HTR1F: variants seen among roughly 807,000 people sequenced by gnomAD.
HTR1F encodes 5-hydroxytryptamine (serotonin) receptor 1F, G protein-coupled.
In HTR1F, 17 loss-of-function variants were observed where a neutral mutation model predicts 24.0. The observed-to-expected ratio is 0.71, with a 90% CI of 0.48 to 1.06. The LOEUF (loss-of-function observed/expected upper bound fraction) is 1.06. Ranked by LOEUF, HTR1F falls within the 50% of genes least tolerant of loss-of-function variation. HTR1F has a pLI of 0.00. For missense variants in HTR1F, 391 were observed against 427.8 expected, an observed-to-expected ratio of 0.91 and a Z score of 0.76; for synonymous variants, 186 against 156.8, an observed-to-expected ratio of 1.19 and a Z score of -1.39.
intron 2 of HTR1F, among the ~76,000 whole-genome samples, chr3:87,890,843 C>CTTT (rs5850816): frequency 7.2e-6 from 1 of 139,152 alleles, no homozygotes; most frequent in Non-Finnish European, 1.6e-5. Flanking sequence ...TCAATTATTT[C>CTTT]TTTTTTTTTT....
At chr3:87,913,552 C>T (rs1016031846) in intron 2 of HTR1F, among the ~76,000 whole-genome samples, 5 of 152,220 alleles carry the variant, frequency 3.3e-5, no homozygotes, top group Admixed American at 1.3e-4. Context: ...AATAGAAATA[C>T]CATTTGACCC....
chr3:87,986,236 T>C (rs562228749), intron 2 of HTR1F, among the ~76,000 whole-genome samples: 1 of 152,132 alleles, frequency 6.6e-6, no homozygotes, highest in Admixed American at 6.5e-5. Context: ...TTAATAAAGG[T>C]AGATGGTTTA....
At chr3:87,796,476 G>A (rs1045009147) in intron 1 of HTR1F, among the ~76,000 whole-genome samples, 1 of 152,030 alleles carries the variant, frequency 6.6e-6, no homozygotes, top group African/African-American at 2.4e-5. Context: ...TTAGAAGAAC[G>A]GGATTTTATG....
intron 2 of HTR1F, among the ~76,000 whole-genome samples, chr3:87,846,714 G>A (rs1704953901): frequency 6.6e-6 from 1 of 151,858 alleles, no homozygotes; most frequent in Admixed American, 6.6e-5. Flanking sequence ...ATAATAAGTT[G>A]CTTCTGTTGA....
chr3:87,913,569 C>A (rs533757917), intron 2 of HTR1F, among the ~76,000 whole-genome samples: 1 of 152,254 alleles, frequency 6.6e-6, no homozygotes, highest in South Asian at 2.1e-4. Flanking sequence ...ACCCAGCAAT[C>A]CCATTACTGG....
Position 87,980,079 on chromosome 3 carries a change from T to C in HTR1F, c.-42-10629T>C, listed in dbSNP as rs1705508942. 5.9e-5 allele frequency among the ~76,000 whole-genome samples: 9 copies of C among 152,360 alleles called. No homozygotes were observed. In the South Asian group the frequency reaches 1.9e-3, roughly 32 times the overall value. ...CAAGCAGCAGGGTGTGTTTCAGCCC[T>C]GTTTGTGTTACAGCTCTTTCAGTTC... On this transcript the variant is annotated intron_variant, in intron 2 of 2. Transcript: ENST00000319595.
chr3:87,971,333 C>T (rs770207293), intron 2 of HTR1F, among the ~76,000 whole-genome samples: 1 of 151,882 alleles, frequency 6.6e-6, no homozygotes, highest in Non-Finnish European at 1.5e-5. Flanking sequence ...TTTGAGAGGC[C>T]GAGGCAGGAG....
At chr3:87,830,761 C>T (rs1704557783) in intron 2 of HTR1F, among the ~76,000 whole-genome samples, 1 of 151,968 alleles carries the variant, frequency 6.6e-6, no homozygotes, top group Non-Finnish European at 1.5e-5. Context: ...CTGTGAACAC[C>T]AACATTGTTT....
chr3:87,794,365 A>G (rs974707032), intron 1 of HTR1F, among the ~76,000 whole-genome samples: 2 of 152,170 alleles, frequency 1.3e-5, no homozygotes, highest in African/African-American at 4.8e-5. Context: ...TCTTTGTTTC[A>G]AAGTGAGTCT....
chr3:87,846,173 C>T (rs1156508031), intron 2 of HTR1F, among the ~76,000 whole-genome samples: 1 of 151,994 alleles, frequency 6.6e-6, no homozygotes, highest in East Asian at 1.9e-4. Flanking sequence ...TGGCTCACGC[C>T]TGTAATCCCA....
intron 2 of HTR1F, among the ~76,000 whole-genome samples, chr3:87,930,225 T>C (rs1704228491): frequency 1.3e-5 from 2 of 152,212 alleles, no homozygotes; most frequent in South Asian, 2.1e-4. Flanking sequence ...TAGTGTCATC[T>C]GCAAACAGTG....
At chr3:87,832,799 A>G (rs1334415842) in intron 2 of HTR1F, among the ~76,000 whole-genome samples, 1 of 152,256 alleles carries the variant, frequency 6.6e-6, no homozygotes, top group African/African-American at 2.4e-5. Flanking sequence ...TACTAACAAA[A>G]TAATGTTTGA....
At chr3:87,937,324 A>C (rs58036813) in intron 2 of HTR1F, among the ~76,000 whole-genome samples, 4,968 of 152,284 alleles carry the variant, frequency 0.033, 249 homozygotes, top group African/African-American at 0.11. Flanking sequence ...ATATACACAA[A>C]TCAATAAATA....
Position 87,832,320 on chromosome 3 carries a change from T to C in HTR1F, c.-43+10196T>C, listed in dbSNP as rs1247671255. Among the ~76,000 whole-genome samples the C allele has an allele frequency of 8.7e-5, 13 of 149,696 alleles. 1 individual carries two copies. Among genetic ancestry groups the C allele is most frequent in the African/African-American group, 2.7e-4 (11 of 40,948 alleles). ...ACACACATAAGAATATCCCTTCTTT[T>C]TTTTTTTTTTTTTTTCTTTTTTTTT... is the stretch of plus-strand genomic sequence containing the variant. On this transcript the variant is annotated intron_variant, in intron 2 of 2. Transcript: ENST00000319595.
intron 1 of HTR1F, among the ~76,000 whole-genome samples, chr3:87,799,852 T>A (rs996512688): frequency 2.6e-5 from 4 of 152,170 alleles, no homozygotes; most frequent in Admixed American, 1.3e-4. Flanking sequence ...ATGACCTCCA[T>A]GCTCAGTTAA....
At chr3:87,863,789 G>C (rs1167383086) in intron 2 of HTR1F, among the ~76,000 whole-genome samples, 2 of 151,958 alleles carry the variant, frequency 1.3e-5, no homozygotes, top group African/African-American at 4.8e-5. Context: ...CTTTTCTATG[G>C]GTTTTGTAAC....
At chr3:87,806,132 T>C (rs550991581) in intron 1 of HTR1F, among the ~76,000 whole-genome samples, 1 of 152,232 alleles carries the variant, frequency 6.6e-6, no homozygotes, top group East Asian at 1.9e-4. Flanking sequence ...TGTGTATAAA[T>C]CCCACATTTT....
At chr3:87,853,857 G>T (rs1259172551) in intron 2 of HTR1F, among the ~76,000 whole-genome samples, 1 of 151,978 alleles carries the variant, frequency 6.6e-6, no homozygotes, top group Non-Finnish European at 1.5e-5. Context: ...CCACACGTAT[G>T]CTTCTTTTAA....
intron 2 of HTR1F, among the ~76,000 whole-genome samples, chr3:87,836,085 TTTTA>T (rs1215330912): frequency 5.9e-5 from 9 of 152,346 alleles, no homozygotes; most frequent in African/African-American, 2.2e-4. Flanking sequence ...CATCCATTTA[TTTTA>T]TTATCTGCAA....
Sources: gnomAD v4.1 joint callset for allele counts (sites outside exome capture counted in the v4.1 genomes callset) on GRCh38, gnomAD v4.1.1 for gene constraint, MANE v1.5 for transcripts, NCBI Gene and HGNC (gene_info 2026-07-23, HGNC 2026-07-21) for gene names.